The following BLOC1S3 variants were observed in gnomAD, a reference collection of about 807,000 sequenced individuals.
BLOC1S3 encodes biogenesis of lysosomal organelles complex 1 subunit 3.
Under a neutral mutation model 9.1 loss-of-function variants are expected in BLOC1S3, and 7 were observed. The ratio of observed to expected loss-of-function variants is 0.77; its 90% CI spans 0.44 to 1.45. The LOEUF is 1.45. BLOC1S3 is among the 40% of genes most tolerant of loss of function. The pLI, the probability that BLOC1S3 is intolerant of heterozygous loss-of-function variation, is 0.01. For missense variants in BLOC1S3, 307 were observed against 315.2 expected (o/e 0.97, Z 0.20); for synonymous variants, 145 against 158.4 (o/e 0.92, Z 0.64).
chr19:45,202,715 G>A (rs1969700445), intron 3 of BLOC1S3, among the ~76,000 whole-genome samples: 2 of 152,068 alleles, frequency 1.3e-5, no homozygotes, highest in African/African-American at 4.8e-5. Flanking sequence ...TCAAGCAGGA[G>A]TCTTTCCCCA....
intron 2 of BLOC1S3, among the ~76,000 whole-genome samples, chr19:45,201,563 G>C (rs1969691145): frequency 1.3e-5 from 2 of 152,318 alleles, no homozygotes; most frequent in South Asian, 4.1e-4. Context: ...CTTCAGGATG[G>C]TGAGTTCTCT....
At chr19:45,185,104 A>AAGGGAGG (rs1969557377), downstream of BLOC1S3, among the ~76,000 whole-genome samples, 1 of 151,906 alleles carries the variant, frequency 6.6e-6, no homozygotes, top group Admixed American at 6.6e-5. Flanking sequence ...AGTAGGTAAG[A>AAGGGAGG]AGGGAGGAGG....
rs879448820 is a variant in BLOC1S3, at chr19:45,179,720, C to T, written c.424C>T (p.Leu142=). ...CCGTGCAGGCCGCGACGTGGCCGCCCTGGCTAGTAGGCTGGCGGCAGCCCA... is the reference window on the plus strand; with the variant it reads ...CCGTGCAGGCCGCGACGTGGCCGCCTTGGCTAGTAGGCTGGCGGCAGCCCA... ...YRRAGRDVAA[L]ASRLAAAQAA... is the part of the protein sequence containing the mutation. Residue 142 remains leucine, a synonymous_variant, in exon 2 of 2, where the codon CTG becomes TTG. Coordinates refer to ENST00000433642, the MANE Select transcript of BLOC1S3 (RefSeq NM_212550.5). The surrounding 1 kb of genome is among the most constrained non-coding windows in gnomAD (Gnocchi z 4.6). 2.1e-4 allele frequency: 313 copies of T among 1,459,758 alleles called. No homozygotes were observed. Among genetic ancestry groups the T allele is most frequent in the Non-Finnish European group, 2.7e-4 (305 of 1,113,212 alleles). 90.4% of individuals were successfully genotyped at this position (1,459,758 alleles called of 1,614,324 possible). A position where few individuals can be genotyped will look rare whatever the true frequency, so the allele number is the denominator to read the frequency against.
At chr19:45,198,628 T>G (rs1338820950) in intron 2 of BLOC1S3, among the ~76,000 whole-genome samples, 1 of 152,170 alleles carries the variant, frequency 6.6e-6, no homozygotes, top group Non-Finnish European at 1.5e-5. Flanking sequence ...TGCCACTCTA[T>G]CCTAGCCTGT....
intron 3 of BLOC1S3, among the ~76,000 whole-genome samples, chr19:45,215,142 AAAAAC>A (rs1290829353): frequency 6.6e-6 from 1 of 152,076 alleles, no homozygotes; most frequent in Non-Finnish European, 1.5e-5. Context: ...CTCTGTCTCA[AAAAAC>A]AAAACAAAAC....
intron 2 of BLOC1S3, among the ~76,000 whole-genome samples, chr19:45,193,896 AG>A (rs1401312883): frequency 1.2e-5 from 1 of 86,268 alleles, no homozygotes; most frequent in Non-Finnish European, 2.2e-5. Flanking sequence ...TCCTCCTCCC[AG>A]GTTCATGCCA....
chr19:45,185,368 G>A (rs892105237), downstream of BLOC1S3, among the ~76,000 whole-genome samples: 4 of 152,098 alleles, frequency 2.6e-5, no homozygotes, highest in African/African-American at 4.8e-5. Context: ...ACCATCACAC[G>A]GCATCAGCCT....
chr19:45,198,361 G>C (rs1969664733), intron 2 of BLOC1S3, among the ~76,000 whole-genome samples: 1 of 152,108 alleles, frequency 6.6e-6, no homozygotes, highest in South Asian at 2.1e-4. Flanking sequence ...GTGCGAGCTC[G>C]GCTCACTGCA....
chr19:45,199,680 C>CTTCTCTTCTG (rs200726585), intron 2 of BLOC1S3, among the ~76,000 whole-genome samples: 10 of 151,494 alleles, frequency 6.6e-5, no homozygotes, highest in Admixed American at 4.0e-4. Flanking sequence ...TCTCTTTTCT[C>CTTCTCTTCTG]TTCTCTTCTG....
At chr19:45,203,531 C>G (rs1192542467) in intron 3 of BLOC1S3, among the ~76,000 whole-genome samples, 2 of 152,154 alleles carry the variant, frequency 1.3e-5, no homozygotes, top group African/African-American at 4.8e-5. Flanking sequence ...CTAAGCTTCC[C>G]AAAGTGCTGG....
intron 2 of BLOC1S3, among the ~76,000 whole-genome samples, chr19:45,190,380 C>G (rs1969595515): frequency 6.6e-6 from 1 of 151,750 alleles, no homozygotes; most frequent in East Asian, 1.9e-4. Context: ...CTCTCTCCCC[C>G]ACCCATATAT....
rs1355881206 is a variant in BLOC1S3, at chr19:45,179,517, C to T, written c.221C>T (p.Thr74Met). ...GAGCCGGAGCCGGAGCCGGAACCGACGGCCGCGCCGAGGGACCTGCCTCCA... is the reference window on the plus strand; with the variant it reads ...GAGCCGGAGCCGGAGCCGGAACCGATGGCCGCGCCGAGGGACCTGCCTCCA... Reference protein sequence around the residue: ...DSEPEPEPEPTAAPRDLPPLV... With the variant: ...DSEPEPEPEPMAAPRDLPPLV... Residue 74 changes from threonine to methionine, a missense_variant, in exon 2 of 2, where the codon ACG (threonine) becomes ATG (methionine). Transcript: ENST00000433642. The surrounding 1 kb of genome is among the most constrained non-coding windows in gnomAD (Gnocchi z 4.6). 6.6e-7 allele frequency: 1 copy of T among 1,523,278 alleles called. No homozygotes were observed. The highest frequency in any genetic ancestry group is 8.8e-7 in the Non-Finnish European group (1 of 1,142,566). 94.4% of individuals were successfully genotyped at this position (1,523,278 alleles called of 1,614,324 possible).
chr19:45,216,279 C>A, intron 3 of BLOC1S3: 1 of 1,524,682 alleles, frequency 6.6e-7, no homozygotes, highest in South Asian at 1.2e-5. Flanking sequence ...TATACCATCT[C>A]TAAAATGTAG....
intron 3 of BLOC1S3, among the ~76,000 whole-genome samples, chr19:45,209,268 T>C (rs775763483): frequency 1.8e-4 from 28 of 151,956 alleles, no homozygotes; most frequent in South Asian, 4.2e-4. Context: ...AGGCTGGTCT[T>C]AAACTCCTGA....
intron 2 of BLOC1S3, among the ~76,000 whole-genome samples, chr19:45,198,281 G>T (rs1043780847): frequency 2.0e-5 from 3 of 151,854 alleles, no homozygotes; most frequent in Non-Finnish European, 4.4e-5. Flanking sequence ...TGGGGAAGGG[G>T]TTTTTTTGTT....
chr19:45,188,462 C>G, intron 2 of BLOC1S3, among the ~76,000 whole-genome samples: 1 of 151,814 alleles, frequency 6.6e-6, no homozygotes, highest in Non-Finnish European at 1.5e-5. Flanking sequence ...GTGTGAGCCA[C>G]AGCGCCCGGC....
At chr19:45,178,860 C>T (rs1397034505) in intron 1 of BLOC1S3, 29 bp downstream of exon 1, 1 of 166,390 alleles carries the variant, frequency 6.0e-6, no homozygotes, top group African/African-American at 2.4e-5. Flanking sequence ...GCGCTTCTCC[C>T]ATCCCATGAG....
At chr19:45,210,368 C>T (rs532202620) in intron 3 of BLOC1S3, among the ~76,000 whole-genome samples, 71 of 130,582 alleles carry the variant, frequency 5.4e-4, no homozygotes, top group Non-Finnish European at 9.7e-4. Flanking sequence ...GGCACGATCT[C>T]GGCTCACTTC....
At chr19:45,209,045 G>GT (rs60192586) in intron 3 of BLOC1S3, among the ~76,000 whole-genome samples, 1,901 of 148,322 alleles carry the variant, frequency 0.013, 18 homozygotes, top group South Asian at 0.03. Flanking sequence ...CTACAGTTTT[G>GT]TTTTTTTTTT....
Sources: allele counts gnomAD v4.1 joint callset (sites outside exome capture counted in the v4.1 genomes callset), GRCh38; gene constraint gnomAD v4.1.1; non-coding constraint Gnocchi (gnomAD v3.1); transcripts MANE v1.5; gene names NCBI Gene and HGNC (gene_info 2026-07-23, HGNC 2026-07-21).